Variants in FSTL4 observed in about 807,000 individuals in gnomAD.
FSTL4 encodes the protein follistatin-related protein 4.
In FSTL4, 28 loss-of-function variants were observed where a neutral mutation model predicts 78.2. The observed-to-expected ratio is 0.36, with a 90% CI of 0.27 to 0.49. The LOEUF is 0.49. Ranked by LOEUF, FSTL4 falls within the 20% of genes least tolerant of loss-of-function variation. The probability of loss-of-function intolerance (pLI) is 0.98; values close to 1 mark genes in which losing one functional copy is unlikely to be tolerated. For synonymous variants in FSTL4, 422 were observed against 440.5 expected, an observed-to-expected ratio of 0.96 and a Z score of 0.53; for missense variants, 922 against 1,084.9, an observed-to-expected ratio of 0.85 and a Z score of 2.11.
At chr5:133,331,977 G>A (rs12516323) in intron 4 of FSTL4, among the ~76,000 whole-genome samples, 11,163 of 152,234 alleles carry the variant, frequency 0.073, 635 homozygotes, top group African/African-American at 0.14. Context: ...CAGGCGGAAC[G>A]TGTGGGTTTT....
At chr5:133,304,134 T>C (rs1333970958) in intron 6 of FSTL4, among the ~76,000 whole-genome samples, 1 of 152,246 alleles carries the variant, frequency 6.6e-6, no homozygotes, top group African/African-American at 2.4e-5. Context: ...CAGTGCTTAA[T>C]TGCACATTGA....
intron 6 of FSTL4, among the ~76,000 whole-genome samples, chr5:133,310,406 G>T (rs75535678): frequency 6.6e-6 from 1 of 152,192 alleles, no homozygotes; most frequent in African/African-American, 2.4e-5. Flanking sequence ...AGGTAATGAC[G>T]TCCTTCCCTT....
the FSTL4 span, among the ~76,000 whole-genome samples, chr5:133,658,325 T>C: frequency 6.6e-6 from 1 of 152,150 alleles, no homozygotes; most frequent in African/African-American, 2.4e-5. Flanking sequence ...TTTCGGATGG[T>C]TTGTAGCAAC....
At chr5:133,293,383 A>C (rs545358575) in intron 6 of FSTL4, among the ~76,000 whole-genome samples, 1 of 152,112 alleles carries the variant, frequency 6.6e-6, no homozygotes, top group Non-Finnish European at 1.5e-5. Flanking sequence ...GTCCTCCTCA[A>C]ACTGACTTTG....
At chr5:133,387,189 A>G (rs1007863106) in intron 4 of FSTL4, among the ~76,000 whole-genome samples, 4 of 151,692 alleles carry the variant, frequency 2.6e-5, no homozygotes, top group Non-Finnish European at 5.9e-5. Context: ...GTCAAGCCCC[A>G]CTCCCTGACA....
the FSTL4 span, among the ~76,000 whole-genome samples, chr5:133,798,204 C>T: frequency 1.3e-5 from 2 of 152,180 alleles, no homozygotes; most frequent in Admixed American, 6.5e-5. Flanking sequence ...GGTTTCTTCC[C>T]CTCAGGCCAA....
intron 6 of FSTL4, among the ~76,000 whole-genome samples, chr5:133,297,885 G>A (rs769696941): frequency 1.1e-4 from 16 of 152,272 alleles, no homozygotes; most frequent in East Asian, 5.8e-4. Flanking sequence ...GTGCAGCGTC[G>A]GGACCAACAG....
chr5:133,456,314 G>A (rs1296429296), intron 3 of FSTL4, among the ~76,000 whole-genome samples: 2 of 152,236 alleles, frequency 1.3e-5, no homozygotes, highest in Non-Finnish European at 2.9e-5. Flanking sequence ...GAGACAACAA[G>A]TGGGCCATGC....
At chr5:133,317,471 G>C (rs904729378) in intron 4 of FSTL4, among the ~76,000 whole-genome samples, 3 of 152,244 alleles carry the variant, frequency 2.0e-5, no homozygotes, top group African/African-American at 7.2e-5. Context: ...AGTACTTCCA[G>C]CGCCTGGCTT....
At chr5:133,324,511 C>T (rs555692979) in intron 4 of FSTL4, among the ~76,000 whole-genome samples, 1 of 152,246 alleles carries the variant, frequency 6.6e-6, no homozygotes, top group South Asian at 2.1e-4. Context: ...CTAACGGGCA[C>T]CCTCGTGTGC....
chr5:133,841,418 A>G, the FSTL4 span, among the ~76,000 whole-genome samples: 1 of 152,240 alleles, frequency 6.6e-6, no homozygotes, highest in African/African-American at 2.4e-5. Flanking sequence ...AAGAACAAAC[A>G]AGTGAGCAAA....
the FSTL4 span, among the ~76,000 whole-genome samples, chr5:133,759,488 T>C: frequency 1.3e-5 from 2 of 152,234 alleles, no homozygotes; most frequent in Non-Finnish European, 2.9e-5. Flanking sequence ...TGAGCAAATA[T>C]TTACCTACAA....
At chr5:133,718,679 T>G in the FSTL4 span, among the ~76,000 whole-genome samples, 1 of 152,252 alleles carries the variant, frequency 6.6e-6, no homozygotes, top group African/African-American at 2.4e-5. Context: ...ACATCATTTT[T>G]ATTAATTGTC....
intron 14 of FSTL4, among the ~76,000 whole-genome samples, chr5:133,206,928 AATTAAT>A: frequency 4.2e-5 from 1 of 23,896 alleles, no homozygotes; most frequent in East Asian, 1.5e-3. Flanking sequence ...GATATGAAAT[AATTAAT>A]AGTCTCTTTT....
chr5:133,830,625 G>GA, the FSTL4 span, among the ~76,000 whole-genome samples: 6 of 152,166 alleles, frequency 3.9e-5, no homozygotes, highest in African/African-American at 1.4e-4. Flanking sequence ...CTTCCCAGAT[G>GA]AAAAAACCGA....
the FSTL4 span, among the ~76,000 whole-genome samples, chr5:133,763,116 T>C: frequency 6.6e-6 from 1 of 152,188 alleles, no homozygotes; most frequent in Non-Finnish European, 1.5e-5. Context: ...TGAGAACCAC[T>C]CATCTCCTCT....
intron 8 of FSTL4, among the ~76,000 whole-genome samples, chr5:133,230,904 A>G (rs1408622576): frequency 6.6e-6 from 1 of 152,154 alleles, no homozygotes; most frequent in Non-Finnish European, 1.5e-5. Context: ...TTCTTGCTCT[A>G]GTGGAAACCT....
chr5:133,386,329 C>T (rs1351170945), intron 4 of FSTL4, among the ~76,000 whole-genome samples: 2 of 152,186 alleles, frequency 1.3e-5, no homozygotes, highest in Non-Finnish European at 2.9e-5. Flanking sequence ...GCAGAGTCTC[C>T]GTGGGGCTAT....
chr5:133,658,520 T>C, the FSTL4 span, among the ~76,000 whole-genome samples: 2 of 152,156 alleles, frequency 1.3e-5, no homozygotes, highest in Non-Finnish European at 2.9e-5. Flanking sequence ...TTTTAAAAAT[T>C]TGCATTTCCT....
Sources: allele counts gnomAD v4.1 joint callset (sites outside exome capture counted in the v4.1 genomes callset), GRCh38; gene constraint gnomAD v4.1.1; transcripts MANE v1.5; gene names NCBI Gene and HGNC (gene_info 2026-07-23, HGNC 2026-07-21).